GAPVD1: variants seen among roughly 807,000 people sequenced by gnomAD.
GAPVD1 encodes the protein GTPase activating protein and VPS9 domains 1.
GAPVD1 carries 35 observed loss-of-function variants against 155.5 expected under a neutral mutation model. The ratio of observed to expected loss-of-function variants is 0.23; its 90% CI spans 0.17 to 0.30. The LOEUF is 0.30. Among genes scored for constraint, GAPVD1 ranks in the 10% least tolerant of loss-of-function variants. The pLI is 1.00. For synonymous variants in GAPVD1, 636 were observed against 619.7 expected (o/e 1.03, Z -0.39); for missense variants, 1,429 against 1,775.7 (o/e 0.80, Z 3.51).
intron 2 of GAPVD1, among the ~76,000 whole-genome samples, chr9:125,290,108 T>C (rs946706141): frequency 6.6e-6 from 1 of 152,106 alleles, no homozygotes; most frequent in East Asian, 1.9e-4. Context: ...CTAGTAGTTT[T>C]GAGTAGTGGA....
At chr9:125,310,487 T>C (rs532843213) in intron 8 of GAPVD1, among the ~76,000 whole-genome samples, 13 of 152,264 alleles carry the variant, frequency 8.5e-5, no homozygotes, top group African/African-American at 2.6e-4. Context: ...GTATTCTGGT[T>C]GTACTGAATT....
At chr9:125,306,157 T>C (rs1325091725) in intron 6 of GAPVD1, among the ~76,000 whole-genome samples, 1 of 152,086 alleles carries the variant, frequency 6.6e-6, no homozygotes, top group African/African-American at 2.4e-5. Flanking sequence ...ATTCTTTTTT[T>C]TTTTGAGACA....
intron 10 of GAPVD1, among the ~76,000 whole-genome samples, chr9:125,322,501 A>T (rs1470546409): frequency 6.6e-6 from 1 of 152,244 alleles, no homozygotes; most frequent in Non-Finnish European, 1.5e-5. Context: ...TACAAAACAG[A>T]GAAATAGAAT....
At chr9:125,289,970 G>T (rs1175644098) in intron 2 of GAPVD1, among the ~76,000 whole-genome samples, 1 of 152,188 alleles carries the variant, frequency 6.6e-6, no homozygotes, top group African/African-American at 2.4e-5. Flanking sequence ...TGAGAATGTG[G>T]GTGTCCTAGA....
In GAPVD1 at chr9:125,307,676, C is replaced by T. The variant is rs41306461; in HGVS notation, c.1252-15C>T. The T allele has an allele frequency of 0.027, 42,824 of 1,606,482 alleles. 709 individuals carry two copies. Among genetic ancestry groups the T allele is most frequent in the Middle Eastern group, 0.058 (350 of 6,042 alleles). On this transcript the variant is annotated splice_polypyrimidine_tract_variant and intron_variant, in intron 7 of 27. Coordinates refer to ENST00000297933, the MANE Select transcript of GAPVD1 (RefSeq NM_001282680.3). ...AAAAGTGATTTCATTAGCTAATGTT[C>T]TTTGCTTTTGCCAGGTGAATTTTAT...
At chr9:125,313,718 C>T (rs1224348427) in intron 9 of GAPVD1, among the ~76,000 whole-genome samples, 2 of 152,214 alleles carry the variant, frequency 1.3e-5, no homozygotes, top group Admixed American at 6.5e-5. Flanking sequence ...TCTCCTGCCT[C>T]AGCCTCCTGA....
intron 2 of GAPVD1, among the ~76,000 whole-genome samples, chr9:125,275,494 G>A (rs1261269817): frequency 6.6e-6 from 1 of 152,140 alleles, no homozygotes. Context: ...CAGGCCTATA[G>A]TCCCAGCACT....
chr9:125,349,975 G>T (rs551857597), intron 21 of GAPVD1, among the ~76,000 whole-genome samples: 1 of 152,210 alleles, frequency 6.6e-6, no homozygotes, highest in South Asian at 2.1e-4. Context: ...TCTGACTTCC[G>T]TGGTCCCTCC....
At chr9:125,294,408 G>A (rs1024638516) in intron 2 of GAPVD1, among the ~76,000 whole-genome samples, 4 of 147,988 alleles carry the variant, frequency 2.7e-5, no homozygotes, top group Non-Finnish European at 3.0e-5. Flanking sequence ...AGTGCAGCGC[G>A]TGATCTCGGC....
intron 22 of GAPVD1, 75 bp downstream of exon 22, chr9:125,350,479 G>A: frequency 1.0e-6 from 1 of 954,386 alleles, no homozygotes; most frequent in Non-Finnish European, 1.7e-6. Context: ...GTATTCAGCT[G>A]TTGAAGCTGT....
chr9:125,360,205 C>G (rs1014009145), intron 26 of GAPVD1, among the ~76,000 whole-genome samples: 1 of 152,138 alleles, frequency 6.6e-6, no homozygotes, highest in Non-Finnish European at 1.5e-5. Context: ...GAATCAGCTA[C>G]TAAATGTAGA....
In GAPVD1 at chr9:125,362,618, T is replaced by A; in HGVS notation, c.4255T>A (p.Cys1419Ser). Residue 1419 changes from cysteine (C) to serine (S), a missense_variant, in exon 28 of 28, where the codon TGT becomes AGT. By Grantham distance (112) the Cys-to-Ser change is moderately radical. Coordinates refer to ENST00000297933, the MANE Select transcript of GAPVD1 (RefSeq NM_001282680.3). ...TTCACTTCTCTAGGCAAATCCACCC[T>A]GTTTGCTGTCTACTGTGCAGTATAT... ...VFVLIKANPP[C>S]LLSTVQYISS... is the part of the protein sequence containing the mutation. The A allele has an allele frequency of 6.2e-7, 1 of 1,604,582 alleles. No individual in the cohort carries two copies. Among genetic ancestry groups the A allele is most frequent in the South Asian group, 1.1e-5 (1 of 88,626 alleles).
Position 125,331,951 on chromosome 9 carries a change from G to C in GAPVD1, c.2199G>C (p.Glu733Asp), listed in dbSNP as rs1163615591. 6.2e-7 allele frequency: 1 copy of C among 1,614,062 alleles called. No homozygotes were observed. The highest frequency in any genetic ancestry group is 8.5e-7 in the Non-Finnish European group (1 of 1,179,952). ...DSEAPDLKQE[E>D]RLQELESCSG... ...AGGCCCCAGACCTAAAGCAGGAGGA[G>C]CGTCTGCAAGAACTGGAGAGCTGTT... Residue 733 changes from glutamate (E) to aspartate (D), a missense_variant, in exon 14 of 28, where the codon GAG becomes GAC. Glu to Asp is a conservative substitution (Grantham distance 45). Around this residue, in one of 4 missense-constraint regions of GAPVD1, gnomAD observed 699 missense variants for 826.0 expected, o/e 0.85. Coordinates refer to ENST00000297933, the MANE Select transcript of GAPVD1 (RefSeq NM_001282680.3).
intron 2 of GAPVD1, among the ~76,000 whole-genome samples, chr9:125,269,379 A>T (rs942731141): frequency 1.3e-5 from 2 of 152,122 alleles, no homozygotes; most frequent in African/African-American, 4.8e-5. Flanking sequence ...GTTAAGCAAG[A>T]AGGATTTCAG....
At chr9:125,357,284 A>T (rs1031713474) in intron 25 of GAPVD1, among the ~76,000 whole-genome samples, 2 of 152,226 alleles carry the variant, frequency 1.3e-5, no homozygotes, top group African/African-American at 4.8e-5. Flanking sequence ...ATATTTATTA[A>T]GAATGAACAG....
At chr9:125,324,124 A>C (rs1261228328) in intron 11 of GAPVD1, among the ~76,000 whole-genome samples, 1 of 152,222 alleles carries the variant, frequency 6.6e-6, no homozygotes, top group Non-Finnish European at 1.5e-5. Context: ...AATTAATATA[A>C]ATTACTTGAA....
In GAPVD1 at chr9:125,366,897, G is replaced by A. The variant is rs1441681562; in HGVS notation, c.*4151G>A. ...ATCCCACAGGCCTGAGCTCAGCAAG[G>A]GTTCAATTCAAGAGAGATGACGTCT... On this transcript the variant is annotated 3_prime_UTR_variant, in exon 28 of 28. Transcript: ENST00000297933. 6.6e-6 allele frequency: 1 copy of A among 152,164 alleles called. No homozygotes were observed. Among genetic ancestry groups the A allele is most frequent in the African/African-American group, 2.4e-5 (1 of 41,430 alleles). 9.4% of individuals were successfully genotyped at this position (152,164 alleles called of 1,614,324 possible). A position where few individuals can be genotyped will look rare whatever the true frequency, so the allele number is the denominator to read the frequency against.
chr9:125,330,317 C>CT (rs374139001), intron 13 of GAPVD1, 99 bp downstream of exon 13: 56,350 of 504,336 alleles, frequency 0.11, 1 homozygote, highest in East Asian at 0.13. Context: ...GTCAAATACA[C>CT]TTTTTTTTTT....
intron 15 of GAPVD1, chr9:125,335,272 T>A (rs539379933): frequency 8.9e-6 from 6 of 675,652 alleles, no homozygotes; most frequent in Admixed American, 7.3e-5. Context: ...ACATTAAAAA[T>A]ACTTGCAAAA....
Sources: allele counts gnomAD v4.1 joint callset (sites outside exome capture counted in the v4.1 genomes callset), GRCh38; gene constraint gnomAD v4.1.1; regional missense constraint gnomAD v4.1.1; transcripts MANE v1.5; gene names NCBI Gene and HGNC (gene_info 2026-07-23, HGNC 2026-07-21).